The following MFSD8 variants were observed in gnomAD, a reference collection of about 807,000 sequenced individuals.
MFSD8 encodes major facilitator superfamily domain containing 8.
A neutral mutation model predicts 66.4 loss-of-function variants in MFSD8; 55 were observed. The observed-to-expected ratio is 0.83, with a 90% CI of 0.67 to 1.04. The LOEUF (loss-of-function observed/expected upper bound fraction) is 1.04. Ranked by LOEUF, MFSD8 falls within the 50% of genes least tolerant of loss-of-function variation. The pLI, the probability that MFSD8 is intolerant of heterozygous loss-of-function variation, is 0.00. For synonymous variants in MFSD8, 202 were observed against 212.8 expected (o/e 0.95, Z 0.44); for missense variants, 550 against 627.6 (o/e 0.88, Z 1.32).
At chr4:127,922,003 A>G in intron 9 of MFSD8, 40 bp from the exon 10 acceptor site, 1 of 1,497,424 alleles carries the variant, frequency 6.7e-7, no homozygotes, top group Non-Finnish European at 9.3e-7. Flanking sequence ...AAAATGAAAC[A>G]TTATAACATA....
chr4:127,935,249 C>T (rs1738869256), intron 7 of MFSD8, among the ~76,000 whole-genome samples: 2 of 152,232 alleles, frequency 1.3e-5, no homozygotes, highest in African/African-American at 4.8e-5. Flanking sequence ...TTAATCACCA[C>T]CTAGAAGTCA....
chr4:127,920,584 A>G lies in MFSD8; in HGVS notation c.*46T>C, dbSNP rs750641784. The G allele has an allele frequency of 3.1e-6, 5 of 1,593,034 alleles. No individual in the cohort carries two copies. Among genetic ancestry groups the G allele is most frequent in the Middle Eastern group, 1.7e-4 (1 of 6,036 alleles). The stretch of plus-strand genomic sequence containing the variant: ...CAATTGTCTAGCAGAGCTTTAGACC[A>G]GGAAGTGCCACACAGCAAGTAGTTT... On this transcript the variant is annotated 3_prime_UTR_variant, in exon 12 of 12. Transcript: ENST00000641686.
rs763846149 is a variant in MFSD8 at position 127,965,141 on chromosome 4, C to T, written c.-8G>A. On this transcript the variant is annotated 5_prime_UTR_variant, in exon 1 of 12. The change creates a new upstream start codon in the 5' untranslated region. Transcript: ENST00000641686. ...GTTCCGCAGGCCGGCCATAGTTACA[C>T]TCCCTACAAGGCGTCTTGCGCCCAA... 5 of 1,613,970 alleles carry T rather than the reference C, an allele frequency of 3.1e-6. No homozygotes were observed. Among genetic ancestry groups the T allele is most frequent in the Middle Eastern group, 3.3e-4 (2 of 6,062 alleles).
At chr4:127,937,895 A>G (rs1739334898) in intron 7 of MFSD8, among the ~76,000 whole-genome samples, 1 of 152,180 alleles carries the variant, frequency 6.6e-6, no homozygotes, top group African/African-American at 2.4e-5. Context: ...CTTTTCCACA[A>G]CTTTATGAAC....
chr4:127,954,428 A>C (rs1742524881), intron 2 of MFSD8, among the ~76,000 whole-genome samples: 2 of 152,122 alleles, frequency 1.3e-5, no homozygotes, highest in South Asian at 4.1e-4. Flanking sequence ...TCAGCCTGGC[A>C]AAAATGGCAA....
chr4:127,953,716 C>T (rs897768370), intron 2 of MFSD8, among the ~76,000 whole-genome samples: 2 of 151,720 alleles, frequency 1.3e-5, no homozygotes, highest in Non-Finnish European at 2.9e-5. Flanking sequence ...AACTCCTGAC[C>T]TCGTGATCCG....
Position 127,920,356 on chromosome 4 carries a change from T to C in MFSD8, c.*274A>G. On this transcript the variant is annotated 3_prime_UTR_variant, in exon 12 of 12. Coordinates refer to ENST00000641686, the MANE Select transcript of MFSD8 (RefSeq NM_001371596.2). ...CTTCACATTTATTCATCATTGTCCA[T>C]TCACTCATTAGTTCATGCAACCACA... is the stretch of plus-strand genomic sequence containing the variant. The C allele has an allele frequency of 2.3e-6, 1 of 441,224 alleles. No homozygotes were observed. The highest frequency in any genetic ancestry group is 4.2e-6 in the Non-Finnish European group (1 of 237,984). The allele number at this position is 441,224 out of a possible 1,614,324, so 27.3% of individuals were successfully genotyped here. A position where few individuals can be genotyped will look rare whatever the true frequency, so the allele number is the denominator to read the frequency against.
intron 9 of MFSD8, among the ~76,000 whole-genome samples, chr4:127,923,029 C>A (rs897230245): frequency 6.6e-6 from 1 of 152,166 alleles, no homozygotes; most frequent in African/African-American, 2.4e-5. Context: ...CTTCTAGATG[C>A]AAGTACTAGT....
At chr4:127,944,746 G>A (rs908529908) in intron 3 of MFSD8, among the ~76,000 whole-genome samples, 6 of 151,920 alleles carry the variant, frequency 3.9e-5, no homozygotes, top group Non-Finnish European at 5.9e-5. Context: ...GTGCAGCCTC[G>A]ACCTTTGAGG....
intron 9 of MFSD8, among the ~76,000 whole-genome samples, chr4:127,926,931 G>T (rs1737298113): frequency 6.6e-6 from 1 of 152,170 alleles, no homozygotes; most frequent in Non-Finnish European, 1.5e-5. Context: ...ACTGTTTCAT[G>T]ATGCTGGACA....
chr4:127,938,887 A>G, intron 6 of MFSD8, 49 bp from the exon 7 acceptor site: 1 of 1,410,150 alleles, frequency 7.1e-7, no homozygotes, highest in Non-Finnish European at 9.9e-7. Context: ...CTTAATAGAG[A>G]AGTTGTTTAA....
At chr4:127,945,031 G>A (rs1329378201) in intron 3 of MFSD8, among the ~76,000 whole-genome samples, 3 of 152,098 alleles carry the variant, frequency 2.0e-5, no homozygotes, top group African/African-American at 4.8e-5. Context: ...TAAGCCAGGC[G>A]AAGTGGCCCA....
At chr4:127,962,536 T>C (rs1743969070) in intron 1 of MFSD8, among the ~76,000 whole-genome samples, 1 of 151,756 alleles carries the variant, frequency 6.6e-6, no homozygotes, top group Admixed American at 6.6e-5. Context: ...CAATAGGCTC[T>C]GAGGACATCA....
At position 127,929,665 on chromosome 4, in the gene MFSD8, G is replaced by A. The variant is rs527475445; in HGVS notation, c.998+1018C>T. ...GTTACCAGAGGCCACGAATAATAGC[G>A]GGAAGGAGGCAATAAACAATAGTTG... On this transcript the variant is annotated intron_variant, in intron 9 of 11. Transcript: ENST00000641686. 4.6e-5 allele frequency among the ~76,000 whole-genome samples: 7 copies of A among 152,004 alleles called. No homozygotes were observed. In the East Asian group the frequency reaches 5.8e-4, roughly 13 times the overall value.
At chr4:127,960,391 G>A (rs150924847) in intron 1 of MFSD8, among the ~76,000 whole-genome samples, 4,606 of 152,172 alleles carry the variant, frequency 0.03, 303 homozygotes, top group East Asian at 0.27. Flanking sequence ...TTAGCCAGGC[G>A]TGGTGGTGGA....
Position 127,930,810 on chromosome 4 carries a change from TA to T in MFSD8, c.870del (p.Thr291LeufsTer3). 1 of 1,606,646 alleles carries T rather than the reference TA, an allele frequency of 6.2e-7. No individual in the cohort carries two copies. Among genetic ancestry groups the T allele is most frequent in the Non-Finnish European group, 8.5e-7 (1 of 1,177,216 alleles). On this transcript the variant is annotated frameshift_variant, in exon 9 of 12. Coordinates refer to ENST00000641686, the MANE Select transcript of MFSD8 (RefSeq NM_001371596.2). LOFTEE classifies it high-confidence loss of function. ...LFIFALFETI[I>X]TPLTMDMYAW... ...GCATACATATCCATTGTTAATGGAG[TA>T]ATGATGCTAAGAAAAAAAAAATTAT...
intron 7 of MFSD8, 182 bp from the exon 8 acceptor site, chr4:127,933,275 C>T (rs925828296): frequency 7.9e-6 from 4 of 507,780 alleles, no homozygotes; most frequent in African/African-American, 7.8e-5. Flanking sequence ...GACAGGGTCT[C>T]ACTCTGTCAC....
chr4:127,921,349 T>A, intron 11 of MFSD8, 175 bp downstream of exon 11: 1 of 1,089,528 alleles, frequency 9.2e-7, no homozygotes, highest in Non-Finnish European at 1.3e-6. Flanking sequence ...ATAACCCACA[T>A]AACCTACCCA....
chr4:127,934,387 T>A (rs1308029964), intron 7 of MFSD8, among the ~76,000 whole-genome samples: 4 of 152,164 alleles, frequency 2.6e-5, no homozygotes. Flanking sequence ...ACAAAGTAAG[T>A]GTACTGACTT....
Sources: gnomAD v4.1 joint callset for allele counts (sites outside exome capture counted in the v4.1 genomes callset) on GRCh38, gnomAD v4.1.1 for gene constraint, MANE v1.5 for transcripts, NCBI Gene and HGNC (gene_info 2026-07-23, HGNC 2026-07-21) for gene names.